The following WDPCP variants were observed in gnomAD, a reference collection of about 807,000 sequenced individuals.
WDPCP encodes WD repeat-containing and planar cell polarity effector protein fritz homolog.
A neutral mutation model predicts 93.1 loss-of-function variants in WDPCP; 71 were observed. The observed-to-expected ratio is 0.76, with a 90% CI of 0.63 to 0.93. The LOEUF (loss-of-function observed/expected upper bound fraction) is 0.93. Among genes scored for constraint, WDPCP ranks in the 40% least tolerant of loss-of-function variants. The pLI is 0.00. For missense variants in WDPCP, 844 were observed against 887.4 expected (o/e 0.95, Z 0.62); for synonymous variants, 315 against 315.0 (o/e 1.00, Z 0.00).
intron 17 of WDPCP, among the ~76,000 whole-genome samples, chr2:63,126,962 C>T (rs914117252): frequency 1.3e-4 from 20 of 151,864 alleles, no homozygotes; most frequent in Admixed American, 1.2e-3. Flanking sequence ...GGATTACAGG[C>T]GTAAGTCACC....
chr2:63,121,245 T>A lies in WDPCP; in HGVS notation c.*761A>T, dbSNP rs1669528570. Reference sequence around the variant, plus strand: ...CAGGGCAAATTACTCATAGCAGTAATTCGAGAGAACCATGGAGAATTGTCT... The same window carrying A: ...CAGGGCAAATTACTCATAGCAGTAAATCGAGAGAACCATGGAGAATTGTCT... On this transcript the variant is annotated 3_prime_UTR_variant, in exon 18 of 18. Transcript: ENST00000272321. The A allele has an allele frequency of 6.6e-6, 1 of 152,156 alleles. No homozygotes were observed. The highest frequency in any genetic ancestry group is 1.5e-5 in the Non-Finnish European group (1 of 68,046). 9.4% of individuals were successfully genotyped at this position (152,156 alleles called of 1,614,324 possible).
intron 1 of WDPCP, among the ~76,000 whole-genome samples, chr2:63,534,038 G>A (rs984738733): frequency 2.0e-5 from 3 of 151,922 alleles, no homozygotes; most frequent in Admixed American, 1.3e-4. Context: ...TCTCACCACC[G>A]ATCCCACAGA....
chr2:63,378,817 A>T (rs756065193), intron 11 of WDPCP, among the ~76,000 whole-genome samples: 28 of 152,166 alleles, frequency 1.8e-4, no homozygotes, highest in Non-Finnish European at 3.2e-4. Context: ...CACAGTTTGA[A>T]CTAGTACTTC....
At chr2:63,541,276 T>A (rs1201097488) in intron 1 of WDPCP, among the ~76,000 whole-genome samples, 1 of 152,148 alleles carries the variant, frequency 6.6e-6, no homozygotes, top group East Asian at 1.9e-4. Context: ...CCCAGCCTAA[T>A]AAGCATTTTA....
chr2:63,769,614 T>C (rs1670196472), intron 2 of WDPCP, among the ~76,000 whole-genome samples: 1 of 151,934 alleles, frequency 6.6e-6, no homozygotes. Context: ...CTATTAGACC[T>C]CTATATACAG....
At chr2:63,352,711 G>C (rs1351919899) in intron 12 of WDPCP, among the ~76,000 whole-genome samples, 1 of 152,122 alleles carries the variant, frequency 6.6e-6, no homozygotes, top group Non-Finnish European at 1.5e-5. Context: ...GGCAGCTGTT[G>C]AGCATATGAT....
intron 2 of WDPCP, among the ~76,000 whole-genome samples, chr2:63,675,588 T>C (rs1710395659): frequency 6.6e-6 from 1 of 152,158 alleles, no homozygotes; most frequent in South Asian, 2.1e-4. Context: ...TCAACTCCAG[T>C]TTTATATAAA....
At chr2:63,649,867 AG>A (rs1710090415) in intron 3 of WDPCP, among the ~76,000 whole-genome samples, 1 of 152,206 alleles carries the variant, frequency 6.6e-6, no homozygotes, top group Non-Finnish European at 1.5e-5. Flanking sequence ...TCCAAGGGAA[AG>A]GTTTGTTCAG....
At chr2:63,617,388 C>T (rs1709683377) in intron 3 of WDPCP, among the ~76,000 whole-genome samples, 1 of 152,182 alleles carries the variant, frequency 6.6e-6, no homozygotes, top group East Asian at 1.9e-4. Context: ...AAAATGCTTT[C>T]TTATACCCTT....
intron 13 of WDPCP, among the ~76,000 whole-genome samples, chr2:63,300,358 T>C (rs1388865675): frequency 1.3e-5 from 2 of 152,132 alleles, no homozygotes; most frequent in African/African-American, 2.4e-5. Flanking sequence ...AAATGGTGAG[T>C]AGAGGGGAGC....
At chr2:63,520,581 A>G (rs1429642562) in intron 1 of WDPCP, among the ~76,000 whole-genome samples, 2 of 152,182 alleles carry the variant, frequency 1.3e-5, no homozygotes, top group Non-Finnish European at 2.9e-5. Flanking sequence ...GGATGCCTAC[A>G]TTAAGCATTT....
At chr2:63,310,281 AG>A (rs1338729015) in intron 13 of WDPCP, among the ~76,000 whole-genome samples, 1 of 152,146 alleles carries the variant, frequency 6.6e-6, no homozygotes, top group African/African-American at 2.4e-5. Flanking sequence ...TAACTGAGAG[AG>A]CTTGGAGTTG....
intron 12 of WDPCP, among the ~76,000 whole-genome samples, chr2:63,326,040 G>A (rs1687508162): frequency 6.6e-6 from 1 of 152,154 alleles, no homozygotes; most frequent in Admixed American, 6.5e-5. Flanking sequence ...AGTGTCAGAG[G>A]CTATCAAAAT....
At chr2:63,125,820 G>A (rs1260712188) in intron 17 of WDPCP, among the ~76,000 whole-genome samples, 3 of 151,868 alleles carry the variant, frequency 2.0e-5, no homozygotes, top group South Asian at 2.1e-4. Context: ...CGTGTTGGCC[G>A]GGCTGGTCTT....
chr2:63,452,150 T>C (rs375299671), intron 6 of WDPCP, among the ~76,000 whole-genome samples: 2 of 152,186 alleles, frequency 1.3e-5, no homozygotes, highest in East Asian at 3.8e-4. Flanking sequence ...GGAAGTCAAA[T>C]TGTCCCTGTT....
intron 3 of WDPCP, chr2:63,599,584 AAATT>A (rs1192671160): frequency 4.9e-6 from 1 of 204,714 alleles, no homozygotes; most frequent in African/African-American, 2.4e-5. Context: ...CAGTGGTTAA[AAATT>A]AGTTATACAT....
At chr2:63,643,987 C>A in intron 3 of WDPCP, 1 of 476,514 alleles carries the variant, frequency 2.1e-6, no homozygotes, top group South Asian at 1.5e-5. Context: ...TCAATTTATC[C>A]AGCATCCAAT....
At chr2:63,722,453 C>T (rs1031388886) in intron 2 of WDPCP, among the ~76,000 whole-genome samples, 11 of 149,480 alleles carry the variant, frequency 7.4e-5, no homozygotes, top group Admixed American at 3.3e-4. Context: ...CATCTCTGCC[C>T]GGCCGCCCCG....
upstream of WDPCP, chr2:63,588,926 G>T (rs566803407): frequency 4.9e-5 from 69 of 1,413,850 alleles, no homozygotes; most frequent in South Asian, 7.7e-4. Flanking sequence ...CGCGTCGGGA[G>T]CGGAGCCTTT....
Sources: gnomAD v4.1 joint callset for allele counts (sites outside exome capture counted in the v4.1 genomes callset) on GRCh38, gnomAD v4.1.1 for gene constraint, MANE v1.5 for transcripts, NCBI Gene and HGNC (gene_info 2026-07-23, HGNC 2026-07-21) for gene names.